The following EPHA5 variants were observed in gnomAD, a reference collection of about 807,000 sequenced individuals.
EPHA5 encodes the protein EPH receptor A5.
EPHA5 carries 60 observed loss-of-function variants against 105.0 expected under a neutral mutation model. The observed-to-expected ratio is 0.57, with a 90% confidence interval of 0.46 to 0.71. The LOEUF is 0.71. Among genes scored for constraint, EPHA5 ranks in the 30% least tolerant of loss-of-function variants. The probability of loss-of-function intolerance (pLI) is 0.00; values close to 1 mark genes in which losing one functional copy is unlikely to be tolerated. For synonymous variants in EPHA5, 513 were observed against 449.1 expected (o/e 1.14, Z -1.80); for missense variants, 1,218 against 1,274.7 (o/e 0.96, Z 0.68).
chr4:65,599,814 A>C (rs977868522), intron 3 of EPHA5, among the ~76,000 whole-genome samples: 1 of 152,194 alleles, frequency 6.6e-6, no homozygotes, highest in African/African-American at 2.4e-5. Context: ...GAAAGAAAAG[A>C]TGTATGCTAA....
chr4:65,353,208 T>C lies in EPHA5; in HGVS notation c.2174-105A>G, dbSNP rs1380983016. 1.9e-5 allele frequency: 4 copies of C among 216,194 alleles called. No homozygotes were observed. The East Asian group carries it at 4.6e-4, about 25-fold the overall frequency. The allele number at this position is 216,194 out of a possible 1,614,324, so 13.4% of individuals were successfully genotyped here. ...TATTAGTGTCAAAATTGTATATATA[T>C]ATATATATTTAAAATATTTAAATAA... On this transcript the variant is annotated intron_variant, in intron 11 of 16. Coordinates refer to ENST00000613740, the MANE Select transcript of EPHA5 (RefSeq NM_001281766.3).
chr4:65,380,636 G>T (rs1719464312), intron 8 of EPHA5, among the ~76,000 whole-genome samples: 2 of 151,684 alleles, frequency 1.3e-5, no homozygotes, highest in Non-Finnish European at 2.9e-5. Context: ...TTTCACAAAA[G>T]AAGTACTTGA....
intron 5 of EPHA5, among the ~76,000 whole-genome samples, chr4:65,471,192 A>G (rs1056812600): frequency 3.9e-5 from 6 of 152,198 alleles, no homozygotes; most frequent in African/African-American, 1.4e-4. Flanking sequence ...AATTTGGATG[A>G]AGTTTTTCTT....
chr4:65,438,755 G>A (rs901714165), intron 5 of EPHA5, among the ~76,000 whole-genome samples: 1 of 149,462 alleles, frequency 6.7e-6, no homozygotes, highest in Admixed American at 6.7e-5. Flanking sequence ...GATGGTTAGA[G>A]GTTTTATTTG....
intron 2 of EPHA5, among the ~76,000 whole-genome samples, chr4:65,610,217 C>A (rs1485644577): frequency 6.6e-6 from 1 of 152,016 alleles, no homozygotes; most frequent in Non-Finnish European, 1.5e-5. Context: ...GAATGAGATC[C>A]TGTCCTTTGC....
intron 1 of EPHA5, 132 bp from the exon 2 acceptor site, chr4:65,643,559 A>G (rs1747854497): frequency 1.6e-6 from 1 of 606,832 alleles, no homozygotes; most frequent in Admixed American, 3.1e-5. Context: ...GATGAATACA[A>G]TGGGTATAAT....
intron 3 of EPHA5, chr4:65,573,697 T>A (rs1325067953): frequency 1.3e-6 from 2 of 1,595,408 alleles, no homozygotes; most frequent in African/African-American, 2.7e-5. Context: ...AAATCCAAGG[T>A]TGAAAAGAAA....
intron 5 of EPHA5, among the ~76,000 whole-genome samples, chr4:65,454,395 T>G (rs528612316): frequency 6.6e-6 from 1 of 152,244 alleles, no homozygotes; most frequent in African/African-American, 2.4e-5. Context: ...TTTTTAGTTG[T>G]GTACAAAAAG....
intron 1 of EPHA5, among the ~76,000 whole-genome samples, chr4:65,660,607 A>G (rs1431695643): frequency 6.6e-6 from 1 of 152,010 alleles, no homozygotes; most frequent in Non-Finnish European, 1.5e-5. Context: ...TTTCACAGCA[A>G]CCTTTTGGAT....
rs1316799922 is a variant in EPHA5 at position 65,365,884 on chromosome 4, T to C, written c.1987+48A>G. 1.1e-5 allele frequency: 18 copies of C among 1,578,758 alleles called. No individual in the cohort carries two copies. The Admixed American group carries it at 1.7e-4, about 15-fold the overall frequency. ...ATCAGGACACTGGTATATTACATTC[T>C]GGAATGCAAACAAAAGTTAAAAATG... On this transcript the variant is annotated intron_variant, in intron 10 of 16. Transcript: ENST00000613740.
intron 1 of EPHA5, among the ~76,000 whole-genome samples, chr4:65,646,432 C>A (rs1283799271): frequency 6.6e-6 from 1 of 152,128 alleles, no homozygotes; most frequent in African/African-American, 2.4e-5. Context: ...ATAATAATGT[C>A]TGGACACATT....
At chr4:65,485,920 G>A (rs756715705) in intron 5 of EPHA5, among the ~76,000 whole-genome samples, 10 of 152,056 alleles carry the variant, frequency 6.6e-5, no homozygotes, top group Admixed American at 1.3e-4. Context: ...GACTCTCACT[G>A]AAATTTCCTT....
chr4:65,403,533 T>A (rs1722057734), intron 8 of EPHA5, among the ~76,000 whole-genome samples: 1 of 152,110 alleles, frequency 6.6e-6, no homozygotes, highest in African/African-American at 2.4e-5. Context: ...GCCTGGATTT[T>A]AAAAATACGT....
intron 5 of EPHA5, among the ~76,000 whole-genome samples, chr4:65,473,170 A>G (rs1000567930): frequency 1.3e-5 from 2 of 152,090 alleles, no homozygotes; most frequent in African/African-American, 4.8e-5. Flanking sequence ...TGTCCATATC[A>G]CTATCAGCAT....
At chr4:65,625,435 TATGTA>T (rs1746049212) in intron 2 of EPHA5, among the ~76,000 whole-genome samples, 1 of 152,198 alleles carries the variant, frequency 6.6e-6, no homozygotes, top group South Asian at 2.1e-4. Context: ...AATCATACAG[TATGTA>T]ATACCAGAGA....
intron 14 of EPHA5, among the ~76,000 whole-genome samples, chr4:65,344,999 T>C (rs1722078716): frequency 6.6e-6 from 1 of 152,178 alleles, no homozygotes; most frequent in Non-Finnish European, 1.5e-5. Context: ...TTTCATTATT[T>C]CTGTGATGGT....
At chr4:65,421,137 T>C (rs1428891481) in intron 5 of EPHA5, among the ~76,000 whole-genome samples, 4 of 152,110 alleles carry the variant, frequency 2.6e-5, no homozygotes, top group Admixed American at 2.0e-4. Flanking sequence ...TTCTCATATA[T>C]TTCCTTAGAA....
intron 5 of EPHA5, among the ~76,000 whole-genome samples, chr4:65,479,229 C>T (rs1201760538): frequency 6.6e-6 from 1 of 152,100 alleles, no homozygotes; most frequent in Non-Finnish European, 1.5e-5. Context: ...TTGTATGTCA[C>T]AGATACCATT....
intron 8 of EPHA5, among the ~76,000 whole-genome samples, chr4:65,399,903 T>C (rs1578019267): frequency 6.6e-6 from 1 of 152,202 alleles, no homozygotes; most frequent in East Asian, 1.9e-4. Context: ...CTAAAAGATG[T>C]TTTCCTTTGT....
Sources: gnomAD v4.1 joint callset for allele counts (sites outside exome capture counted in the v4.1 genomes callset) on GRCh38, gnomAD v4.1.1 for gene constraint, MANE v1.5 for transcripts, NCBI Gene and HGNC (gene_info 2026-07-23, HGNC 2026-07-21) for gene names.